The following ZNF821 variants were observed in gnomAD, a reference collection of about 807,000 sequenced individuals.
The protein encoded by ZNF821 is zinc finger protein 821.
A neutral mutation model predicts 44.3 loss-of-function variants in ZNF821; 16 were observed. That is an observed-to-expected ratio of 0.36 (90% confidence interval 0.24 to 0.55). The LOEUF (loss-of-function observed/expected upper bound fraction) is 0.55. ZNF821 is among the 20% of genes least tolerant of loss of function. The pLI is 0.86. For missense variants in ZNF821, 436 were observed against 547.6 expected, an observed-to-expected ratio of 0.80 and a Z score of 2.03; for synonymous variants, 204 against 197.6, an observed-to-expected ratio of 1.03 and a Z score of -0.27.
intron 6 of ZNF821, among the ~76,000 whole-genome samples, chr16:71,862,922 C>T (rs577684700): frequency 8.8e-4 from 133 of 151,984 alleles, no homozygotes; most frequent in Non-Finnish European, 1.6e-3. Flanking sequence ...TAAGACACGT[C>T]TCGTTTTGTC....
chr16:71,860,416 T>G lies in ZNF821; in HGVS notation c.841A>C (p.Lys281Gln). The G allele has an allele frequency of 6.2e-7, 1 of 1,613,282 alleles. No individual in the cohort carries two copies. Among genetic ancestry groups the G allele is most frequent in the East Asian group, 2.2e-5 (1 of 44,874 alleles). The change falls in exon 8 of 8, where the codon AAG becomes CAG. Residue 281 changes from lysine (K) to glutamine (Q), a missense_variant. Lys to Gln is a moderately conservative substitution (Grantham distance 53). Transcript: ENST00000425432. This position sits in a 1 kb window ranked among gnomAD's most constrained non-coding sequence, Gnocchi z 7.3. Reference sequence around the variant, plus strand: ...GTCTCATTGTCCCGCCGGCTCTTCTTGGCCGTGCGCTCTCGTTCCAGCCGC... The same window carrying G: ...GTCTCATTGTCCCGCCGGCTCTTCTGGGCCGTGCGCTCTCGTTCCAGCCGC... Reference protein sequence around the residue: ...LQRLERERTAKKSRRDNETPE... With the variant: ...LQRLERERTAQKSRRDNETPE...
rs555107748 is a variant in ZNF821, at chr16:71,874,705, C to T, written c.40+5202G>A. On this transcript the variant is annotated intron_variant, in intron 3 of 7. Transcript: ENST00000425432. Reference sequence around the variant, plus strand: ...CTGACCTCAAGTGATCTGCCTGCCTCGGCCTCCAAAAGTGCTGAGATGACA... The same window carrying T: ...CTGACCTCAAGTGATCTGCCTGCCTTGGCCTCCAAAAGTGCTGAGATGACA... Among the ~76,000 whole-genome samples the T allele has an allele frequency of 1.5e-3, 221 of 152,262 alleles. 1 individual carries two copies. The highest frequency in any genetic ancestry group is 5.1e-3 in the African/African-American group (211 of 41,554).
chr16:71,878,461 TC>T (rs2036085511), intron 3 of ZNF821, among the ~76,000 whole-genome samples: 1 of 152,092 alleles, frequency 6.6e-6, no homozygotes, highest in African/African-American at 2.4e-5. Flanking sequence ...ACGATTATCT[TC>T]CCAGATAATA....
chr16:71,884,719 ATTTCT>A, upstream of ZNF821: 1 of 152,124 alleles, frequency 6.6e-6, no homozygotes, highest in South Asian at 2.1e-4. Flanking sequence ...AAATCTTGAG[ATTTCT>A]TTTGAGTATT....
In ZNF821 at chr16:71,894,894, TAA is replaced by T. The variant is rs750016070; in HGVS notation, n.441_442del. 2.2e-5 allele frequency: 31 copies of T among 1,394,178 alleles called. No individual in the cohort carries two copies. In the South Asian group the frequency reaches 3.3e-4, roughly 15 times the overall value. 86.4% of individuals were successfully genotyped at this position (1,394,178 alleles called of 1,614,324 possible). The stretch of plus-strand genomic sequence containing the variant: ...AAAAAGTTTTCTCTGAATACCGAGA[TAA>T]ATTAGGGAAATCGCCAGAGACTGTG... On this transcript the variant is annotated non_coding_transcript_exon_variant, in exon 1 of 3. Coordinates refer to the ZNF821 transcript ENST00000561700.
intron 4 of ZNF821, among the ~76,000 whole-genome samples, chr16:71,866,724 TG>T (rs1348820867): frequency 2.6e-5 from 4 of 152,192 alleles, no homozygotes; most frequent in Admixed American, 2.6e-4. Flanking sequence ...AAGAAAGTGG[TG>T]GCTTCCATAG....
chr16:71,869,399 C>G (rs1322455334), intron 3 of ZNF821, among the ~76,000 whole-genome samples: 2 of 152,074 alleles, frequency 1.3e-5, no homozygotes, highest in Non-Finnish European at 2.9e-5. Flanking sequence ...CATGTGATCC[C>G]CTTAGTCATT....
chr16:71,868,152 G>T, intron 3 of ZNF821, 115 bp from the exon 4 acceptor site: 1 of 1,229,618 alleles, frequency 8.1e-7, no homozygotes, highest in Non-Finnish European at 1.1e-6. Context: ...CCCTGTGGTG[G>T]AGTCATTCAT....
chr16:71,885,710 C>A (rs2036826023), upstream of ZNF821, among the ~76,000 whole-genome samples: 3 of 152,140 alleles, frequency 2.0e-5, no homozygotes, highest in Non-Finnish European at 2.9e-5. Context: ...CTTGGTCCTT[C>A]ACAATTCTGT....
rs762994239 is a variant in ZNF821 at position 71,880,236 on chromosome 16, T to TA, written c.-77-214dup. Among the ~76,000 whole-genome samples, 10 of 152,342 alleles carry TA rather than the reference T, an allele frequency of 6.6e-5. No individual in the cohort carries two copies. The East Asian group carries it at 1.5e-3, about 23-fold the overall frequency. On this transcript the variant is annotated intron_variant, in intron 2 of 7. Transcript: ENST00000425432. Reference sequence around the variant, plus strand: ...TAAGAGGGGACTCCCTCAGAGGACTTAGAGAATTATACTCTAAATCCATCT... The same window carrying TA: ...TAAGAGGGGACTCCCTCAGAGGACTTAAGAGAATTATACTCTAAATCCATCT...
At chr16:71,864,024 G>A (rs889898421) in intron 6 of ZNF821, 114 bp downstream of exon 6, 8 of 915,210 alleles carry the variant, frequency 8.7e-6, no homozygotes, top group East Asian at 7.2e-5. Flanking sequence ...TAATAGAAGT[G>A]ACAACCCAAG....
chr16:71,885,716 T>A (rs1029698585), upstream of ZNF821, among the ~76,000 whole-genome samples: 7 of 152,228 alleles, frequency 4.6e-5, no homozygotes. Context: ...CCTTCACAAT[T>A]CTGTGATAAA....
upstream of ZNF821, among the ~76,000 whole-genome samples, chr16:71,889,005 G>A (rs2036872192): frequency 6.6e-6 from 1 of 152,214 alleles, no homozygotes; most frequent in African/African-American, 2.4e-5. Context: ...ATGCCTTTGG[G>A]AGGCTGAGGT....
intron 5 of ZNF821, 126 bp from the exon 6 acceptor site, chr16:71,864,368 C>T (rs1326192732): frequency 1.3e-6 from 1 of 746,420 alleles, no homozygotes; most frequent in East Asian, 2.7e-5. Flanking sequence ...CTTAGCTTCC[C>T]TTTGTGGGCT....
chr16:71,861,322 G>A (rs1248591313), intron 7 of ZNF821, among the ~76,000 whole-genome samples: 2 of 152,200 alleles, frequency 1.3e-5, no homozygotes, highest in African/African-American at 4.8e-5. Flanking sequence ...TCCTGGAGGT[G>A]GAGACCTCCT....
At chr16:71,870,456 G>A (rs1174433550) in intron 3 of ZNF821, among the ~76,000 whole-genome samples, 1 of 147,766 alleles carries the variant, frequency 6.8e-6, no homozygotes, top group Non-Finnish European at 1.5e-5. Flanking sequence ...TGGTTACACT[G>A]CACCAGGACC....
chr16:71,864,884 A>G lies in ZNF821; in HGVS notation c.312+19T>C, dbSNP rs1266463606. On this transcript the variant is annotated intron_variant, in intron 5 of 7. Transcript: ENST00000425432. Reference sequence around the variant, plus strand: ...GTAGGGCATTGCTGGACCTGGACCCAGGGGCCATCGTCACTTGCCTCGTGC... The same window carrying G: ...GTAGGGCATTGCTGGACCTGGACCCGGGGGCCATCGTCACTTGCCTCGTGC... 1.9e-6 allele frequency: 3 copies of G among 1,613,904 alleles called. No homozygotes were observed.
In ZNF821 at chr16:71,859,718, T is replaced by C. The variant is rs1352711001; in HGVS notation, c.*300A>G. Reference sequence around the variant, plus strand: ...AAATTAATTTATTTGACTTCACAACTTCATGGGCCACACAGGGGCCCCACA... The same window carrying C: ...AAATTAATTTATTTGACTTCACAACCTCATGGGCCACACAGGGGCCCCACA... On this transcript the variant is annotated 3_prime_UTR_variant, in exon 8 of 8. Coordinates refer to ENST00000425432, the MANE Select transcript of ZNF821 (RefSeq NM_001201552.2). The C allele has an allele frequency of 2.6e-6, 1 of 378,968 alleles. No individual in the cohort carries two copies. Among genetic ancestry groups the C allele is most frequent in the Non-Finnish European group, 4.7e-6 (1 of 212,238 alleles). 23.5% of individuals were successfully genotyped at this position (378,968 alleles called of 1,614,324 possible).
intron 1 of ZNF821, chr16:71,894,407 C>T (rs2142506607): frequency 6.5e-6 from 1 of 154,132 alleles, no homozygotes; most frequent in Non-Finnish European, 1.4e-5. Flanking sequence ...CTTGCGCCAC[C>T]ATGCGTAATT....
Sources: allele counts gnomAD v4.1 joint callset (sites outside exome capture counted in the v4.1 genomes callset), GRCh38; gene constraint gnomAD v4.1.1; non-coding constraint Gnocchi (gnomAD v3.1); transcripts MANE v1.5; gene names NCBI Gene and HGNC (gene_info 2026-07-23, HGNC 2026-07-21).